The following BMPER variants were observed in gnomAD, a reference collection of about 807,000 sequenced individuals.
BMPER encodes BMP binding endothelial regulator.
In BMPER, 45 loss-of-function variants were observed where a neutral mutation model predicts 87.3. The observed-to-expected ratio is 0.52, with a 90% CI of 0.41 to 0.66. The LOEUF (loss-of-function observed/expected upper bound fraction) is 0.66, where lower values mean the gene tolerates loss of function less well. BMPER is among the 30% of genes least tolerant of loss of function. The pLI, the probability that BMPER is intolerant of heterozygous loss-of-function variation, is 0.00. For missense variants in BMPER, 784 were observed against 867.5 expected (o/e 0.90, Z 1.21); for synonymous variants, 326 against 316.2 (o/e 1.03, Z -0.33).
At chr7:33,974,888 C>G in intron 6 of BMPER, 104 bp downstream of exon 6, 1 of 1,188,816 alleles carries the variant, frequency 8.4e-7, no homozygotes, top group South Asian at 1.2e-5. Flanking sequence ...CGTCTCCTCT[C>G]TGGGTAAAAG....
At chr7:34,096,375 T>G (rs146520198) in intron 13 of BMPER, among the ~76,000 whole-genome samples, 17 of 152,316 alleles carry the variant, frequency 1.1e-4, no homozygotes, top group Non-Finnish European at 2.1e-4. Flanking sequence ...TGTGCTGTTT[T>G]GGGAGCAGTA....
intron 6 of BMPER, among the ~76,000 whole-genome samples, chr7:34,026,573 G>T (rs1049731070): frequency 2.0e-5 from 3 of 152,022 alleles, no homozygotes; most frequent in Non-Finnish European, 4.4e-5. Flanking sequence ...AGCATACTGG[G>T]GAAGGAATAG....
intron 10 of BMPER, among the ~76,000 whole-genome samples, chr7:34,058,815 G>T (rs1562716361): frequency 6.6e-6 from 1 of 152,182 alleles, no homozygotes; most frequent in Non-Finnish European, 1.5e-5. Context: ...TTGGGAAGGT[G>T]TCAAACCTAT....
intron 3 of BMPER, among the ~76,000 whole-genome samples, chr7:33,942,888 G>A (rs1185718175): frequency 1.3e-5 from 2 of 152,166 alleles, no homozygotes; most frequent in East Asian, 3.9e-4. Context: ...TTGAAGTGCT[G>A]GGGAATGCTT....
chr7:33,938,491 C>G (rs1381849276), intron 3 of BMPER, among the ~76,000 whole-genome samples: 1 of 152,132 alleles, frequency 6.6e-6, no homozygotes, highest in African/African-American at 2.4e-5. Context: ...TGGAGTGATG[C>G]TGCCACCAGC....
intron 1 of BMPER, 53 bp downstream of exon 1, chr7:33,905,799 G>GTTA: frequency 6.6e-7 from 1 of 1,517,020 alleles, no homozygotes; most frequent in Non-Finnish European, 9.0e-7. Flanking sequence ...TTTGGTACCT[G>GTTA]GGAAAGGTGG....
intron 6 of BMPER, among the ~76,000 whole-genome samples, chr7:33,984,752 C>T (rs1188802166): frequency 6.6e-6 from 1 of 152,164 alleles, no homozygotes; most frequent in Non-Finnish European, 1.5e-5. Context: ...AGAATTAGCT[C>T]AATTGCTTAA....
chr7:34,029,601 G>T (rs1029620889), intron 6 of BMPER, among the ~76,000 whole-genome samples: 10 of 152,212 alleles, frequency 6.6e-5, no homozygotes, highest in African/African-American at 2.4e-4. Context: ...AGACCTACAT[G>T]GGGTAAACAA....
chr7:34,122,562 G>A (rs1260886840), intron 13 of BMPER, among the ~76,000 whole-genome samples: 1 of 152,168 alleles, frequency 6.6e-6, no homozygotes, highest in African/African-American at 2.4e-5. Flanking sequence ...ACAGACACCA[G>A]TCCTGTAGAG....
At chr7:34,089,241 A>G (rs1404977248) in intron 13 of BMPER, among the ~76,000 whole-genome samples, 4 of 152,182 alleles carry the variant, frequency 2.6e-5, no homozygotes, top group Non-Finnish European at 5.9e-5. Flanking sequence ...AGAATGAAGT[A>G]GCATAACACA....
At chr7:34,062,183 T>C in intron 11 of BMPER, 136 bp downstream of exon 11, 1 of 749,216 alleles carries the variant, frequency 1.3e-6, no homozygotes, top group Non-Finnish European at 2.2e-6. Flanking sequence ...CTCACCTCCC[T>C]ACAGTCACTT....
chr7:34,083,097 A>T (rs139748008), intron 12 of BMPER, among the ~76,000 whole-genome samples: 1 of 152,306 alleles, frequency 6.6e-6, no homozygotes, highest in East Asian at 1.9e-4. Context: ...TGAAACTCAC[A>T]ATGTCTTTGG....
chr7:34,022,722 AAAG>A (rs1355908374), intron 6 of BMPER, among the ~76,000 whole-genome samples: 1 of 151,618 alleles, frequency 6.6e-6, no homozygotes, highest in Non-Finnish European at 1.5e-5. Flanking sequence ...AAAAAAAAAA[AAAG>A]GAAGAGGAGA....
At chr7:33,986,391 C>G (rs761106402) in intron 6 of BMPER, among the ~76,000 whole-genome samples, 1 of 152,176 alleles carries the variant, frequency 6.6e-6, no homozygotes, top group African/African-American at 2.4e-5. Flanking sequence ...GTGTCTTACA[C>G]ATAGGAAACA....
At chr7:34,118,513 AG>A (rs1790174697) in intron 13 of BMPER, among the ~76,000 whole-genome samples, 1 of 152,006 alleles carries the variant, frequency 6.6e-6, no homozygotes, top group African/African-American at 2.4e-5. Flanking sequence ...TATTGCCATG[AG>A]GGGGAAGCAT....
chr7:34,112,728 C>T lies in BMPER; in HGVS notation c.1745+26636C>T, dbSNP rs145493825. On this transcript the variant is annotated intron_variant, in intron 13 of 14. Coordinates refer to ENST00000649409, the MANE Select transcript of BMPER (RefSeq NM_001365308.1). ...ATCCTTTATAGGATCATTTTAAATG[C>T]CTGTATAATATTTTATTTTTTCTTT... Among the ~76,000 whole-genome samples the T allele has an allele frequency of 4.8e-3, 722 of 151,742 alleles. 4 individuals carry two copies. Among genetic ancestry groups the T allele is most frequent in the African/African-American group, 0.016 (645 of 41,444 alleles).
intron 5 of BMPER, among the ~76,000 whole-genome samples, chr7:33,971,849 A>G (rs1785556346): frequency 6.6e-6 from 1 of 152,226 alleles, no homozygotes. Context: ...TAAAAATATC[A>G]TAGCTCTTAA....
chr7:34,113,326 G>C (rs1276073704), intron 13 of BMPER, among the ~76,000 whole-genome samples: 1 of 151,618 alleles, frequency 6.6e-6, no homozygotes, highest in East Asian at 1.9e-4. Flanking sequence ...TCATATGCAA[G>C]TGTTACCTTT....
chr7:34,147,100 C>G (rs1562772686), intron 14 of BMPER, among the ~76,000 whole-genome samples: 1 of 152,156 alleles, frequency 6.6e-6, no homozygotes, highest in East Asian at 1.9e-4. Context: ...TTTTGTCTTT[C>G]TGTAGCATAA....
Sources: allele counts gnomAD v4.1 joint callset (sites outside exome capture counted in the v4.1 genomes callset), GRCh38; gene constraint gnomAD v4.1.1; transcripts MANE v1.5; gene names NCBI Gene and HGNC (gene_info 2026-07-23, HGNC 2026-07-21).